The following RBFOX1 variants were observed in gnomAD, a reference collection of about 807,000 sequenced individuals.
RBFOX1 encodes the protein RNA binding fox-1 homolog 1, also known as RNA binding protein fox-1 homolog 1.
Under a neutral mutation model 57.7 loss-of-function variants are expected in RBFOX1, and 8 were observed. The observed-to-expected ratio is 0.14, with a 90% CI of 0.08 to 0.25. The LOEUF (loss-of-function observed/expected upper bound fraction) is 0.25. Ranked by LOEUF, RBFOX1 falls within the 10% of genes least tolerant of loss-of-function variation. The probability of loss-of-function intolerance (pLI) is 1.00; values close to 1 mark genes in which losing one functional copy is unlikely to be tolerated. For missense variants in RBFOX1, 611 were observed against 548.5 expected (o/e 1.11, Z -1.14); for synonymous variants, 326 against 222.4 (o/e 1.47, Z -4.15).
chr16:6,102,610 C>G (rs539693282), intron 1 of RBFOX1, among the ~76,000 whole-genome samples: 2 of 152,158 alleles, frequency 1.3e-5, no homozygotes, highest in African/African-American at 2.4e-5. Flanking sequence ...TTCCCTCTCC[C>G]TCTCCTTTTA....
chr16:6,764,164 A>C (rs2077008007), intron 3 of RBFOX1, among the ~76,000 whole-genome samples: 1 of 152,082 alleles, frequency 6.6e-6, no homozygotes, highest in South Asian at 2.1e-4. Context: ...AGTCCCCTTA[A>C]GCTCTAGGTG....
intron 4 of RBFOX1, among the ~76,000 whole-genome samples, chr16:7,152,972 A>T (rs2076381276): frequency 6.6e-6 from 1 of 152,238 alleles, no homozygotes; most frequent in Non-Finnish European, 1.5e-5. Context: ...GCTGGTGCAT[A>T]AAACCTATTT....
At chr16:7,497,001 A>G (rs2068887882) in intron 4 of RBFOX1, among the ~76,000 whole-genome samples, 1 of 152,086 alleles carries the variant, frequency 6.6e-6, no homozygotes, top group Admixed American at 6.5e-5. Flanking sequence ...CACGTCTCCC[A>G]TAAATGACCA....
intron 3 of RBFOX1, among the ~76,000 whole-genome samples, chr16:5,636,394 G>A (rs1792002314): frequency 6.6e-6 from 1 of 152,168 alleles, no homozygotes; most frequent in African/African-American, 2.4e-5. Context: ...TTAATAACCA[G>A]TAAGTTGTGG....
chr16:7,111,967 G>C (rs1599810493), intron 4 of RBFOX1, among the ~76,000 whole-genome samples: 2 of 152,062 alleles, frequency 1.3e-5, no homozygotes, highest in Admixed American at 6.5e-5. Context: ...ATTATTGGAG[G>C]CTTAACCCTT....
chr16:5,269,290 T>C (rs547856389), intron 1 of RBFOX1, among the ~76,000 whole-genome samples: 100 of 152,396 alleles, frequency 6.6e-4, no homozygotes, highest in African/African-American at 2.4e-3. Context: ...TGATTTCTGT[T>C]TCCCTGATGA....
chr16:6,329,403 G>C (rs890919932), intron 2 of RBFOX1, among the ~76,000 whole-genome samples: 1 of 152,212 alleles, frequency 6.6e-6, no homozygotes, highest in Non-Finnish European at 1.5e-5. Flanking sequence ...GCATGCAAAA[G>C]CTGGAGCTGA....
chr16:6,985,875 C>CT (rs2090143098), intron 3 of RBFOX1, among the ~76,000 whole-genome samples: 2 of 99,902 alleles, frequency 2.0e-5, no homozygotes, highest in African/African-American at 7.8e-5. Context: ...TTTTCTTTTT[C>CT]TTTTCTTTTT....
intron 3 of RBFOX1, among the ~76,000 whole-genome samples, chr16:5,813,273 T>A (rs2055500653): frequency 6.6e-6 from 1 of 152,204 alleles, no homozygotes; most frequent in African/African-American, 2.4e-5. Flanking sequence ...CCCAAACCTT[T>A]AACCATTTTA....
chr16:7,629,622 A>G (rs976696356), intron 10 of RBFOX1, among the ~76,000 whole-genome samples: 5 of 152,234 alleles, frequency 3.3e-5, no homozygotes, highest in Non-Finnish European at 2.9e-5. Flanking sequence ...GCTTTGCAGC[A>G]GTGGGAAAGT....
chr16:7,534,492 G>A (rs1165898021), intron 5 of RBFOX1, among the ~76,000 whole-genome samples: 3 of 152,034 alleles, frequency 2.0e-5, no homozygotes, highest in Non-Finnish European at 2.9e-5. Flanking sequence ...TGTAGAATAC[G>A]GTAAGCCCCA....
chr16:6,475,157 G>C (rs183723273), intron 2 of RBFOX1, among the ~76,000 whole-genome samples: 31 of 152,248 alleles, frequency 2.0e-4, no homozygotes, highest in Middle Eastern at 3.4e-3. Context: ...GTGAAATAAT[G>C]TTAGCTTTTC....
At chr16:6,640,454 C>A (rs1049691132) in intron 2 of RBFOX1, among the ~76,000 whole-genome samples, 3 of 151,842 alleles carry the variant, frequency 2.0e-5, no homozygotes, top group African/African-American at 7.3e-5. Context: ...GCTAAAAATG[C>A]AGAAATTAGC....
At chr16:7,477,589 T>A (rs6416819) in intron 4 of RBFOX1, among the ~76,000 whole-genome samples, 151,471 of 152,266 alleles carry the variant, frequency 0.99, 75,351 homozygotes, top group East Asian at 1. Context: ...CCATATGGCA[T>A]GGCCTGAGTT....
At chr16:5,706,842 A>C (rs1034831598) in intron 3 of RBFOX1, among the ~76,000 whole-genome samples, 1 of 151,806 alleles carries the variant, frequency 6.6e-6, no homozygotes, top group Non-Finnish European at 1.5e-5. Flanking sequence ...GCAAGAGGGC[A>C]TGGCTTTTTT....
intron 5 of RBFOX1, among the ~76,000 whole-genome samples, chr16:7,572,866 A>AAATAAATAAATAAATAAAG (rs2092935744): frequency 1.3e-5 from 1 of 75,746 alleles, no homozygotes; most frequent in Non-Finnish European, 3.2e-5. Context: ...AATAAATAAA[A>AAATAAATAAATAAATAAAG]TGAACCAGCC....
At chr16:5,345,001 T>A (rs748167538) in intron 1 of RBFOX1, among the ~76,000 whole-genome samples, 10 of 152,242 alleles carry the variant, frequency 6.6e-5, no homozygotes, top group Non-Finnish European at 1.2e-4. Context: ...TTCACCTCCC[T>A]GCCCTTTGCA....
At chr16:7,104,579 G>C (rs1017724891) in intron 4 of RBFOX1, among the ~76,000 whole-genome samples, 1 of 152,096 alleles carries the variant, frequency 6.6e-6, no homozygotes, top group Non-Finnish European at 1.5e-5. Context: ...AAAATGTTGG[G>C]CTTCTATAGT....
At chr16:6,869,697 T>C (rs375211816) in intron 3 of RBFOX1, among the ~76,000 whole-genome samples, 3 of 152,172 alleles carry the variant, frequency 2.0e-5, no homozygotes, top group East Asian at 1.9e-4. Context: ...CACACATTCA[T>C]GCAGTTGGCA....
Sources: allele counts gnomAD v4.1 joint callset (sites outside exome capture counted in the v4.1 genomes callset), GRCh38; gene constraint gnomAD v4.1.1; transcripts MANE v1.5; gene names NCBI Gene and HGNC (gene_info 2026-07-23, HGNC 2026-07-21).